The following MSI2 variants were observed in gnomAD, a reference collection of about 807,000 sequenced individuals.
MSI2 encodes the protein musashi RNA binding protein 2.
MSI2 carries 17 observed loss-of-function variants against 45.6 expected under a neutral mutation model. That is an observed-to-expected ratio of 0.37 (90% CI 0.26 to 0.56). The LOEUF is 0.56. Ranked by LOEUF, MSI2 falls within the 20% of genes least tolerant of loss-of-function variation. MSI2 has a pLI of 0.77. For missense variants in MSI2, 293 were observed against 444.2 expected (o/e 0.66, Z 3.06); for synonymous variants, 156 against 158.2 (o/e 0.99, Z 0.11).
chr17:57,370,349 C>T (rs867506770), intron 5 of MSI2, among the ~76,000 whole-genome samples: 3 of 152,174 alleles, frequency 2.0e-5, no homozygotes, highest in African/African-American at 2.4e-5. Context: ...AGTAGGATTA[C>T]GTATATCTTT....
intron 5 of MSI2, among the ~76,000 whole-genome samples, chr17:57,315,381 G>A (rs1912774760): frequency 6.6e-6 from 1 of 151,924 alleles, no homozygotes; most frequent in South Asian, 2.1e-4. Context: ...CAGACGTGGG[G>A]CATTTGACTC....
intron 7 of MSI2, among the ~76,000 whole-genome samples, chr17:57,586,238 A>C (rs1355990715): frequency 2.6e-5 from 4 of 152,138 alleles, no homozygotes; most frequent in Non-Finnish European, 5.9e-5. Context: ...AGTTAACAGG[A>C]GTCTGGGATG....
chr17:57,401,535 C>G (rs529163819), intron 6 of MSI2, 64 bp downstream of exon 6: 1 of 1,295,086 alleles, frequency 7.7e-7, no homozygotes, highest in African/African-American at 1.5e-5. Flanking sequence ...TAAGAAGAGG[C>G]TACCGTGGCC....
intron 7 of MSI2, among the ~76,000 whole-genome samples, chr17:57,560,995 G>C (rs1340473499): frequency 3.3e-5 from 5 of 152,210 alleles, no homozygotes; most frequent in Non-Finnish European, 5.9e-5. Flanking sequence ...GCTGCTCCCT[G>C]CTTCAGGGGA....
chr17:57,615,646 C>T (rs973742203), intron 8 of MSI2, among the ~76,000 whole-genome samples: 1 of 152,210 alleles, frequency 6.6e-6, no homozygotes, highest in Non-Finnish European at 1.5e-5. Context: ...ACACATCCAA[C>T]AGCCATTGTC....
chr17:57,440,185 G>A (rs750418056), intron 6 of MSI2, among the ~76,000 whole-genome samples: 1 of 152,156 alleles, frequency 6.6e-6, no homozygotes, highest in Non-Finnish European at 1.5e-5. Context: ...AGGAGGCAGC[G>A]ATGGGTGCCC....
chr17:57,438,498 T>C (rs2084733316), intron 6 of MSI2, among the ~76,000 whole-genome samples: 1 of 152,096 alleles, frequency 6.6e-6, no homozygotes, highest in Non-Finnish European at 1.5e-5. Context: ...GAAAGCAGAC[T>C]TTCTGGAGGC....
intron 7 of MSI2, among the ~76,000 whole-genome samples, chr17:57,531,395 C>T (rs538775345): frequency 1.4e-4 from 22 of 152,318 alleles, no homozygotes; most frequent in South Asian, 4.1e-4. Context: ...ATCATCACCT[C>T]CGTCCGGTTG....
At chr17:57,293,611 T>G (rs1489092693) in intron 5 of MSI2, among the ~76,000 whole-genome samples, 3 of 150,700 alleles carry the variant, frequency 2.0e-5, no homozygotes, top group Non-Finnish European at 4.4e-5. Flanking sequence ...TTTTTTGTTT[T>G]TTTTTGTTTT....
intron 5 of MSI2, among the ~76,000 whole-genome samples, chr17:57,269,107 G>C (rs1908113069): frequency 6.6e-6 from 1 of 152,132 alleles, no homozygotes; most frequent in Non-Finnish European, 1.5e-5. Context: ...CTTTGCCCCA[G>C]GTCTTGAAGA....
chr17:57,369,939 T>C (rs1448463369), intron 5 of MSI2, among the ~76,000 whole-genome samples: 1 of 152,220 alleles, frequency 6.6e-6, no homozygotes, highest in Non-Finnish European at 1.5e-5. Context: ...ATCTCTGCTC[T>C]TCATTTCTTA....
chr17:57,389,686 C>T (rs1277383501), intron 5 of MSI2, among the ~76,000 whole-genome samples: 1 of 152,210 alleles, frequency 6.6e-6, no homozygotes, highest in African/African-American at 2.4e-5. Context: ...ACTCAGCTGC[C>T]ATTTCTTTTC....
chr17:57,405,400 T>C (rs1761705029), intron 6 of MSI2, among the ~76,000 whole-genome samples: 1 of 152,196 alleles, frequency 6.6e-6, no homozygotes, highest in Non-Finnish European at 1.5e-5. Context: ...GACCATAGTT[T>C]GCTGACCCCT....
chr17:57,493,675 C>G (rs1349397074), intron 6 of MSI2, among the ~76,000 whole-genome samples: 2 of 150,702 alleles, frequency 1.3e-5, no homozygotes, highest in Admixed American at 6.7e-5. Context: ...GATCTTGTCT[C>G]CTAGTCACGA....
intron 6 of MSI2, among the ~76,000 whole-genome samples, chr17:57,409,409 C>T (rs1270233093): frequency 2.6e-5 from 4 of 152,102 alleles, no homozygotes; most frequent in Non-Finnish European, 4.4e-5. Context: ...GAGGGAAAGC[C>T]GGCATTAATA....
intron 6 of MSI2, among the ~76,000 whole-genome samples, chr17:57,465,178 C>T (rs554699152): frequency 1.5e-4 from 23 of 152,290 alleles, no homozygotes; most frequent in African/African-American, 5.5e-4. Context: ...AATTAAAGCA[C>T]AGGCCGGGTG....
chr17:57,294,380 G>A lies in MSI2; in HGVS notation c.312+32188G>A, dbSNP rs77009245. 7.0e-3 allele frequency among the ~76,000 whole-genome samples: 1,071 copies of A among 152,274 alleles called. 78 individuals are homozygous for A. In the East Asian group the frequency reaches 0.18, roughly 25 times the overall value. ...TCTCAGGGGGCCGTGGCAGATGAAC[G>A]AGATGTGGCAAAAGCTGGCGTGGCA... On this transcript the variant is annotated intron_variant, in intron 5 of 13. Coordinates refer to ENST00000284073, the MANE Select transcript of MSI2 (RefSeq NM_138962.4).
chr17:57,699,657 C>G, the MSI2 span, among the ~76,000 whole-genome samples: 1 of 152,128 alleles, frequency 6.6e-6, no homozygotes. Flanking sequence ...TTTTCTCTAC[C>G]CCCTGGGAGA....
At chr17:57,433,298 A>C (rs1428370611) in intron 6 of MSI2, among the ~76,000 whole-genome samples, 1 of 152,220 alleles carries the variant, frequency 6.6e-6, no homozygotes, top group East Asian at 1.9e-4. Flanking sequence ...AGATATAATT[A>C]GGTAACATGC....
Sources: gnomAD v4.1 joint callset for allele counts (sites outside exome capture counted in the v4.1 genomes callset) on GRCh38, gnomAD v4.1.1 for gene constraint, MANE v1.5 for transcripts, NCBI Gene and HGNC (gene_info 2026-07-23, HGNC 2026-07-21) for gene names.